Variants in ACOT7 observed in about 807,000 individuals in gnomAD.
ACOT7 encodes the protein cytosolic acyl coenzyme A thioester hydrolase.
In ACOT7, 12 loss-of-function variants were observed where a neutral mutation model predicts 40.2. That is an observed-to-expected ratio of 0.30 (90% CI 0.19 to 0.48). The LOEUF is 0.48. Among genes scored for constraint, ACOT7 ranks in the 20% least tolerant of loss-of-function variants. ACOT7 has a pLI of 0.99. For missense variants in ACOT7, 395 were observed against 530.8 expected (o/e 0.74, Z 2.51); for synonymous variants, 228 against 219.5 (o/e 1.04, Z -0.34).
intron 1 of ACOT7, among the ~76,000 whole-genome samples, chr1:6,390,146 A>AC (rs1023504438): frequency 2.6e-5 from 4 of 151,914 alleles, no homozygotes; most frequent in African/African-American, 9.7e-5. Flanking sequence ...TCACAGGCCT[A>AC]CCCCTACCAC....
rs756149662 is a variant in ACOT7 at position 6,295,261 on chromosome 1, GTT to G, written c.713-283_713-282del. ...ACAGATATCTCACCCTGCTGGGCAA[GTT>G]TTGTTACAATATCAACTGGGATGGC... On this transcript the variant is annotated intron_variant, in intron 6 of 8. Coordinates refer to ENST00000361521, the MANE Select transcript of ACOT7 (RefSeq NM_007274.4). 8 of 268,692 alleles carry G rather than the reference GTT, an allele frequency of 3.0e-5. No homozygotes were observed. The East Asian group carries it at 6.1e-4, about 21-fold the overall frequency. The allele number at this position is 268,692 out of a possible 1,614,324, so 16.6% of individuals were successfully genotyped here. A position where few individuals can be genotyped will look rare whatever the true frequency, so the allele number is the denominator to read the frequency against.
intron 1 of ACOT7, chr1:6,360,540 G>A: frequency 8.1e-6 from 13 of 1,613,450 alleles, no homozygotes; most frequent in Non-Finnish European, 1.1e-5. Context: ...ACCCCAAATA[G>A]CCCATAGTTC....
chr1:6,329,664 G>A (rs1571313017), intron 4 of ACOT7, among the ~76,000 whole-genome samples: 2 of 151,986 alleles, frequency 1.3e-5, no homozygotes, highest in Admixed American at 6.6e-5. Flanking sequence ...GAACAAAACC[G>A]CTGGAACATT....
At chr1:6,342,904 T>A (rs1641313640) in intron 2 of ACOT7, among the ~76,000 whole-genome samples, 1 of 152,252 alleles carries the variant, frequency 6.6e-6, no homozygotes, top group African/African-American at 2.4e-5. Context: ...ATTGACTTAT[T>A]TCTCATCTTT....
intron 8 of ACOT7, among the ~76,000 whole-genome samples, chr1:6,276,454 C>T (rs542110549): frequency 5.3e-5 from 8 of 152,054 alleles, no homozygotes; most frequent in Non-Finnish European, 7.4e-5. Flanking sequence ...GGCAGCTGCC[C>T]GGAGCGGGTG....
chr1:6,300,404 C>T (rs1006832583), intron 6 of ACOT7, among the ~76,000 whole-genome samples: 5 of 151,648 alleles, frequency 3.3e-5, no homozygotes, highest in African/African-American at 9.7e-5. Flanking sequence ...TGCCATGAGC[C>T]GTGAACTTTG....
At chr1:6,393,133 C>A in intron 1 of ACOT7, 124 bp downstream of exon 1, 1 of 1,075,902 alleles carries the variant, frequency 9.3e-7, no homozygotes, top group Non-Finnish European at 1.2e-6. Context: ...CGCGGAAGGC[C>A]GTGCGGGGAA....
At position 6,294,320 on chromosome 1, in the gene ACOT7, C is replaced by T. The variant is rs1165450416; in HGVS notation, c.829+544G>A. Among the ~76,000 whole-genome samples, 1 of 152,264 alleles carries T rather than the reference C, an allele frequency of 6.6e-6. No homozygotes were observed. The highest frequency in any genetic ancestry group is 1.5e-5 in the Non-Finnish European group (1 of 68,046). ...AGGCCTGGCCTGTCAAGCTGGCACA[C>T]ATACCCCAGGGACAGCTGACACCAT... On this transcript the variant is annotated intron_variant, in intron 7 of 8. Transcript: ENST00000361521. The surrounding 1 kb of genome is among the most constrained non-coding windows in gnomAD (Gnocchi z 4.6).
intron 1 of ACOT7, among the ~76,000 whole-genome samples, chr1:6,363,331 C>A (rs186127303): frequency 1.3e-5 from 2 of 152,264 alleles, no homozygotes; most frequent in East Asian, 3.9e-4. Flanking sequence ...GAAAAACACC[C>A]GCCACTTAGC....
chr1:6,364,587 C>T (rs901311241), intron 1 of ACOT7, among the ~76,000 whole-genome samples: 3 of 150,854 alleles, frequency 2.0e-5, no homozygotes, highest in African/African-American at 7.3e-5. Flanking sequence ...CAGTGGCTCA[C>T]GCCTGTAATC....
At chr1:6,385,668 C>T in intron 1 of ACOT7, 1 of 1,611,274 alleles carries the variant, frequency 6.2e-7, no homozygotes, top group Non-Finnish European at 8.5e-7. Context: ...CAGCTTCATC[C>T]TGCGGTAAGT....
chr1:6,286,343 G>C (rs951264122), intron 7 of ACOT7, among the ~76,000 whole-genome samples: 1 of 152,184 alleles, frequency 6.6e-6, no homozygotes. Context: ...GAAGGGGAGC[G>C]CCTGGTCCTC....
At chr1:6,265,651 G>A (rs1223683090) in intron 8 of ACOT7, among the ~76,000 whole-genome samples, 5 of 152,200 alleles carry the variant, frequency 3.3e-5, no homozygotes, top group Non-Finnish European at 5.9e-5. Flanking sequence ...CACCCCTGGA[G>A]TATTAGGTGG....
At chr1:6,393,165 G>T in intron 1 of ACOT7, 92 bp downstream of exon 1, 1 of 1,182,300 alleles carries the variant, frequency 8.5e-7, no homozygotes, top group South Asian at 4.2e-5. Flanking sequence ...GGGCGGCCTC[G>T]GCGGGTGGGG....
At chr1:6,309,563 TC>T (rs1369571275) in intron 6 of ACOT7, among the ~76,000 whole-genome samples, 2 of 152,232 alleles carry the variant, frequency 1.3e-5, no homozygotes, top group Non-Finnish European at 2.9e-5. Flanking sequence ...TTTAGCTATC[TC>T]CCCGATTTTG....
At chr1:6,268,584 T>A (rs930885849) in intron 8 of ACOT7, among the ~76,000 whole-genome samples, 4 of 151,960 alleles carry the variant, frequency 2.6e-5, no homozygotes, top group African/African-American at 9.7e-5. Context: ...TTTTCCCCAC[T>A]CCCCGCCAAG....
rs1639172074 is a variant in ACOT7, at chr1:6,275,769, CT to C, written c.1014+5332del. On this transcript the variant is annotated intron_variant, in intron 8 of 8. Transcript: ENST00000361521. The surrounding 1 kb of genome is among the most constrained non-coding windows in gnomAD (Gnocchi z 5.6). ...TGGCCGCACCTGCCTTCATTACTGC[CT>C]CCCACTTCCATCCAGAAAACATTTC... 6.6e-6 allele frequency among the ~76,000 whole-genome samples: 1 copy of C among 151,678 alleles called. No homozygotes were observed. The highest frequency in any genetic ancestry group is 2.1e-4 in the South Asian group (1 of 4,792).
At chr1:6,357,278 C>G (rs1472225386) in intron 1 of ACOT7, among the ~76,000 whole-genome samples, 2 of 152,090 alleles carry the variant, frequency 1.3e-5, no homozygotes, top group Non-Finnish European at 2.9e-5. Context: ...AACATTACTA[C>G]GTGAAACCCA....
intron 6 of ACOT7, among the ~76,000 whole-genome samples, chr1:6,297,678 C>T (rs181394968): frequency 1.5e-4 from 23 of 152,274 alleles, no homozygotes; most frequent in Middle Eastern, 3.4e-3. Flanking sequence ...ATTGGGTATT[C>T]GACGATACTA....
Sources: allele counts gnomAD v4.1 joint callset (sites outside exome capture counted in the v4.1 genomes callset), GRCh38; gene constraint gnomAD v4.1.1; non-coding constraint Gnocchi (gnomAD v3.1); transcripts MANE v1.5; gene names NCBI Gene and HGNC (gene_info 2026-07-23, HGNC 2026-07-21).